Variants in TAF13 observed in about 807,000 individuals in gnomAD.
TAF13 encodes transcription initiation factor TFIID subunit 13.
In TAF13, 9 loss-of-function variants were observed where a neutral mutation model predicts 18.7. The ratio of observed to expected loss-of-function variants is 0.48; its 90% CI spans 0.29 to 0.84. The LOEUF is 0.84. Among genes scored for constraint, TAF13 ranks in the 40% least tolerant of loss-of-function variants. The pLI, the probability that TAF13 is intolerant of heterozygous loss-of-function variation, is 0.08. For missense variants in TAF13, 105 were observed against 146.5 expected (o/e 0.72, Z 1.46); for synonymous variants, 49 against 44.1 (o/e 1.11, Z -0.44).
chr1:109,065,708 A>C (rs1411154326), intron 3 of TAF13, among the ~76,000 whole-genome samples: 1 of 152,094 alleles, frequency 6.6e-6, no homozygotes, highest in Non-Finnish European at 1.5e-5. Flanking sequence ...GGATCACCTG[A>C]GGTTGGGAGT....
In TAF13 at chr1:109,064,400, T is replaced by A; in HGVS notation, c.*123A>T. 1.1e-6 allele frequency: 1 copy of A among 943,848 alleles called. No individual in the cohort carries two copies. Among genetic ancestry groups the A allele is most frequent in the Non-Finnish European group, 1.4e-6 (1 of 693,876 alleles). 58.5% of individuals were successfully genotyped at this position (943,848 alleles called of 1,614,324 possible). A position where few individuals can be genotyped will look rare whatever the true frequency, so the allele number is the denominator to read the frequency against. On this transcript the variant is annotated 3_prime_UTR_variant, in exon 4 of 4. Transcript: ENST00000338366. ...AAATCAAAGGCATAAAAATAAAGGCTGAAAACTTTGTGTTTCTCCATCTTT... is the reference window on the plus strand; with the variant it reads ...AAATCAAAGGCATAAAAATAAAGGCAGAAAACTTTGTGTTTCTCCATCTTT...
chr1:109,074,650 G>A (rs916011572), intron 2 of TAF13, among the ~76,000 whole-genome samples: 3 of 152,084 alleles, frequency 2.0e-5, no homozygotes, highest in Admixed American at 1.3e-4. Flanking sequence ...CGTGGTGGCC[G>A]GCGCCAGTAG....
intron 2 of TAF13, among the ~76,000 whole-genome samples, chr1:109,071,958 ATATATATATATAT>A (rs1664064181): frequency 2.1e-4 from 1 of 4,800 alleles, no homozygotes; most frequent in South Asian, 7.8e-3. Context: ...CAAAAAGAAA[ATATATATATATAT>A]ATATACACAC....
At chr1:109,070,248 C>T (rs1344478242) in intron 2 of TAF13, among the ~76,000 whole-genome samples, 3 of 152,134 alleles carry the variant, frequency 2.0e-5, no homozygotes, top group Admixed American at 2.0e-4. Flanking sequence ...GAGACGGAGT[C>T]TCTCTCTGTC....
At chr1:109,069,331 A>T (rs911273992) in intron 2 of TAF13, among the ~76,000 whole-genome samples, 1 of 152,162 alleles carries the variant, frequency 6.6e-6, no homozygotes, top group Non-Finnish European at 1.5e-5. Flanking sequence ...ATGGCATAGT[A>T]TTTGCATATA....
rs1663916264 is a variant in TAF13 at position 109,064,389 on chromosome 1, A to AAAAT, written c.*130_*133dup. On this transcript the variant is annotated 3_prime_UTR_variant, in exon 4 of 4. Transcript: ENST00000338366. ...ATATCACCCTAAAATCAAAGGCATA[A>AAAAT]AAATAAAGGCTGAAAACTTTGTGTT... The AAAAT allele has an allele frequency of 1.2e-6, 1 of 833,670 alleles. No individual in the cohort carries two copies. The highest frequency in any genetic ancestry group is 3.4e-5 in the Admixed American group (1 of 29,574). 51.6% of individuals were successfully genotyped at this position (833,670 alleles called of 1,614,324 possible). A position where few individuals can be genotyped will look rare whatever the true frequency, so the allele number is the denominator to read the frequency against.
At chr1:109,065,299 G>A (rs1663933089) in intron 3 of TAF13, among the ~76,000 whole-genome samples, 1 of 152,022 alleles carries the variant, frequency 6.6e-6, no homozygotes, top group African/African-American at 2.4e-5. Context: ...GACCAACCTG[G>A]GCAACATAGT....
rs1236176910 is a variant in TAF13 at position 109,071,989 on chromosome 1, T to C, written c.106+2998A>G. On this transcript the variant is annotated intron_variant, in intron 2 of 3. Coordinates refer to ENST00000338366, the MANE Select transcript of TAF13 (RefSeq NM_005645.4). ...ATATATATATATACACACATATATA[T>C]ATATATATATATATATATATATATA... Among the ~76,000 whole-genome samples the C allele has an allele frequency of 1.4e-3, 5 of 3,498 alleles. 1 individual carries two copies. The highest frequency in any genetic ancestry group is 4.0e-3 in the Admixed American group (1 of 252). The allele number at this position is 3,498 out of a possible 152,430, so 2.3% of individuals were successfully genotyped here.
At chr1:109,066,877 G>A (rs1051864465) in intron 2 of TAF13, among the ~76,000 whole-genome samples, 12 of 151,782 alleles carry the variant, frequency 7.9e-5, no homozygotes, top group African/African-American at 2.4e-4. Context: ...CCACCACCAC[G>A]CCCGGCTAAT....
chr1:109,064,505 C>T lies in TAF13; in HGVS notation c.*18G>A, dbSNP rs201718167. 6.1e-5 allele frequency: 86 copies of T among 1,413,490 alleles called. 1 individual carries two copies. Among genetic ancestry groups the T allele is most frequent in the South Asian group, 2.5e-4 (14 of 56,506 alleles). The allele number at this position is 1,413,490 out of a possible 1,614,324, so 87.6% of individuals were successfully genotyped here. A position where few individuals can be genotyped will look rare whatever the true frequency, so the allele number is the denominator to read the frequency against. ...TATGGTTTCCCCAGATGGTAATTTT[C>T]GGAAACTACAAAAAGTGTCAAGATC... is the stretch of plus-strand genomic sequence containing the variant. On this transcript the variant is annotated 3_prime_UTR_variant, in exon 4 of 4. Coordinates refer to ENST00000338366, the MANE Select transcript of TAF13 (RefSeq NM_005645.4).
At chr1:109,066,279 C>A in intron 2 of TAF13, 47 bp from the exon 3 acceptor site, 3 of 1,435,730 alleles carry the variant, frequency 2.1e-6, no homozygotes, top group Admixed American at 2.2e-5. Context: ...ACAGATTTAA[C>A]AATTTGATAC....
intron 1 of TAF13, 131 bp from the exon 2 acceptor site, chr1:109,075,196 C>A: frequency 1.4e-6 from 1 of 738,056 alleles, no homozygotes; most frequent in Non-Finnish European, 2.2e-6. Flanking sequence ...AAAAAAACCA[C>A]GAAACCTTAG....
chr1:109,067,822 G>A (rs1361862732), intron 2 of TAF13, among the ~76,000 whole-genome samples: 2 of 152,098 alleles, frequency 1.3e-5, no homozygotes, highest in African/African-American at 2.4e-5. Context: ...TTCTATAGAT[G>A]AGAAAATTAA....
intron 3 of TAF13, among the ~76,000 whole-genome samples, chr1:109,065,518 C>T (rs1420333562): frequency 2.0e-5 from 3 of 149,038 alleles, no homozygotes; most frequent in Admixed American, 6.7e-5. Flanking sequence ...CAAAAAATTG[C>T]GTATCTTTAA....
At chr1:109,075,153 A>G in intron 1 of TAF13, 88 bp from the exon 2 acceptor site, 1 of 1,151,518 alleles carries the variant, frequency 8.7e-7, no homozygotes, top group East Asian at 2.4e-5. Flanking sequence ...CCTTTTCAAC[A>G]GATAGGCCAG....
chr1:109,072,144 A>G lies in TAF13; in HGVS notation c.106+2843T>C, dbSNP rs535880667. ...CACATATATATATATATATATATAT[A>G]TACTGACCCTGTAGTTTCAAGGGCA... On this transcript the variant is annotated intron_variant, in intron 2 of 3. Transcript: ENST00000338366. 3.3e-4 allele frequency among the ~76,000 whole-genome samples: 44 copies of G among 133,480 alleles called. 4 individuals carry two copies. In the South Asian group the frequency reaches 5.4e-3, roughly 16 times the overall value. 87.6% of individuals were successfully genotyped at this position (133,480 alleles called of 152,430 possible).
chr1:109,070,527 G>A (rs1664030231), intron 2 of TAF13, among the ~76,000 whole-genome samples: 1 of 150,472 alleles, frequency 6.6e-6, no homozygotes, highest in South Asian at 2.1e-4. Context: ...CTTGAGTAGT[G>A]GAATTATAGG....
chr1:109,064,589 C>T lies in TAF13; in HGVS notation c.309G>A (p.Leu103=). 6.3e-7 allele frequency: 1 copy of T among 1,579,636 alleles called. No individual in the cohort carries two copies. The highest frequency in any genetic ancestry group is 8.6e-7 in the Non-Finnish European group (1 of 1,163,914). The change falls in exon 4 of 4, where the codon TTG becomes TTA. Residue 103 remains leucine (L), a synonymous_variant. Coordinates refer to ENST00000338366, the MANE Select transcript of TAF13 (RefSeq NM_005645.4). ...DPRKFARVKD[L]LTMNEELKRA... Reference sequence around the variant, plus strand: ...GTTTCAATTCTTCATTCATAGTAAGCAAGTCTTTAACCCTGGCAAACTTCC... The same window carrying T: ...GTTTCAATTCTTCATTCATAGTAAGTAAGTCTTTAACCCTGGCAAACTTCC...
chr1:109,073,867 G>C (rs562228879), intron 2 of TAF13, among the ~76,000 whole-genome samples: 105 of 151,182 alleles, frequency 6.9e-4, no homozygotes, highest in African/African-American at 2.5e-3. Flanking sequence ...CGGCCGCCCC[G>C]TCTGGGATGT....
Sources: allele counts gnomAD v4.1 joint callset (sites outside exome capture counted in the v4.1 genomes callset), GRCh38; gene constraint gnomAD v4.1.1; transcripts MANE v1.5; gene names NCBI Gene and HGNC (gene_info 2026-07-23, HGNC 2026-07-21).